The following LMNTD1 variants were observed in gnomAD, a reference collection of about 807,000 sequenced individuals.
LMNTD1 encodes lamin tail domain-containing protein 1.
LMNTD1 carries 35 observed loss-of-function variants against 50.9 expected under a neutral mutation model. The observed-to-expected ratio is 0.69, with a 90% CI of 0.53 to 0.91. LMNTD1 has a LOEUF of 0.91. LMNTD1 is among the 40% of genes least tolerant of loss of function. The pLI is 0.00. For missense variants in LMNTD1, 470 were observed against 475.5 expected, an observed-to-expected ratio of 0.99 and a Z score of 0.11; for synonymous variants, 153 against 161.9, an observed-to-expected ratio of 0.94 and a Z score of 0.42.
At chr12:25,528,126 T>A (rs189815454) in intron 4 of LMNTD1, among the ~76,000 whole-genome samples, 20 of 152,270 alleles carry the variant, frequency 1.3e-4, no homozygotes, top group Admixed American at 1.1e-3. Context: ...TAGTAACTCA[T>A]ATAATTCTCA....
At chr12:25,597,991 C>T (rs1171083848) in intron 1 of LMNTD1, among the ~76,000 whole-genome samples, 3 of 152,048 alleles carry the variant, frequency 2.0e-5, no homozygotes, top group Non-Finnish European at 2.9e-5. Context: ...CCATGCTGTT[C>T]TTGTCATAGT....
chr12:25,529,567 C>T (rs912595604), intron 4 of LMNTD1, among the ~76,000 whole-genome samples: 12 of 152,158 alleles, frequency 7.9e-5, no homozygotes, highest in African/African-American at 2.9e-4. Context: ...CCAGGTTCTG[C>T]TGATTCTTCC....
At chr12:25,522,294 T>G (rs938563166) in intron 6 of LMNTD1, among the ~76,000 whole-genome samples, 1 of 152,222 alleles carries the variant, frequency 6.6e-6, no homozygotes, top group Non-Finnish European at 1.5e-5. Flanking sequence ...CTTTTTAGTG[T>G]GATCTCCCTT....
At chr12:25,542,552 T>C (rs1458243719) in intron 4 of LMNTD1, among the ~76,000 whole-genome samples, 3 of 112,400 alleles carry the variant, frequency 2.7e-5, no homozygotes, top group African/African-American at 3.5e-5. Flanking sequence ...AGGGGAACAT[T>C]ACACTCTGGG....
chr12:25,489,794 T>C (rs1256271995), intron 9 of LMNTD1, among the ~76,000 whole-genome samples: 1 of 152,186 alleles, frequency 6.6e-6, no homozygotes, highest in Non-Finnish European at 1.5e-5. Flanking sequence ...GATATAAGGA[T>C]TGTATGTACT....
chr12:25,502,418 A>T (rs1217994393), intron 9 of LMNTD1, among the ~76,000 whole-genome samples: 1 of 152,182 alleles, frequency 6.6e-6, no homozygotes, highest in African/African-American at 2.4e-5. Flanking sequence ...ATGACAACTG[A>T]AGGAAATTGA....
intron 9 of LMNTD1, 143 bp downstream of exon 9, chr12:25,503,595 C>G (rs924618942): frequency 2.7e-5 from 15 of 553,366 alleles, no homozygotes; most frequent in Non-Finnish European, 4.2e-5. Flanking sequence ...CTAAAGGCAA[C>G]ATAAATATTT....
At chr12:25,499,451 A>C (rs1231505151) in intron 9 of LMNTD1, among the ~76,000 whole-genome samples, 2 of 152,006 alleles carry the variant, frequency 1.3e-5, no homozygotes, top group Non-Finnish European at 2.9e-5. Flanking sequence ...GCACTTGTTT[A>C]GTTTACAGTT....
chr12:25,565,140 A>G (rs115661018), intron 1 of LMNTD1, among the ~76,000 whole-genome samples: 1,880 of 152,022 alleles, frequency 0.012, 35 homozygotes, highest in African/African-American at 0.042. Context: ...AGTGTGTTTC[A>G]GCCACTCTAT....
At chr12:25,547,876 T>A (rs1591984550) in intron 3 of LMNTD1, among the ~76,000 whole-genome samples, 1 of 151,916 alleles carries the variant, frequency 6.6e-6, no homozygotes, top group East Asian at 1.9e-4. Context: ...CCTATACATC[T>A]ATCTAGAGAA....
intron 4 of LMNTD1, among the ~76,000 whole-genome samples, chr12:25,537,569 C>T (rs1225526674): frequency 1.3e-5 from 2 of 152,032 alleles, no homozygotes; most frequent in African/African-American, 4.8e-5. Flanking sequence ...AAAAACCCAT[C>T]TGTACATCAC....
intron 1 of LMNTD1, among the ~76,000 whole-genome samples, chr12:25,621,195 C>T (rs1261683361): frequency 6.6e-6 from 1 of 152,158 alleles, no homozygotes; most frequent in Non-Finnish European, 1.5e-5. Flanking sequence ...CATCTATTAA[C>T]ATGTTAATAC....
intron 8 of LMNTD1, among the ~76,000 whole-genome samples, chr12:25,504,455 AATG>A (rs1178405360): frequency 2.6e-5 from 4 of 152,242 alleles, no homozygotes; most frequent in Non-Finnish European, 5.9e-5. Context: ...TGTTGAATTG[AATG>A]ATACCAAGTA....
intron 9 of LMNTD1, among the ~76,000 whole-genome samples, chr12:25,493,721 TG>T (rs1938966875): frequency 6.6e-6 from 1 of 152,176 alleles, no homozygotes; most frequent in South Asian, 2.1e-4. Flanking sequence ...CAAATAATAA[TG>T]GGTTTAAAAT....
At chr12:25,512,977 T>G (rs1940423044) in intron 8 of LMNTD1, among the ~76,000 whole-genome samples, 1 of 152,168 alleles carries the variant, frequency 6.6e-6, no homozygotes, top group Admixed American at 6.5e-5. Flanking sequence ...AGGGGCAGGA[T>G]GAGTGTCACA....
chr12:25,576,974 C>T (rs1001736139), intron 1 of LMNTD1, among the ~76,000 whole-genome samples: 1 of 152,026 alleles, frequency 6.6e-6, no homozygotes. Flanking sequence ...CTTGTTTTTC[C>T]CAGGTTTGTC....
intron 4 of LMNTD1, among the ~76,000 whole-genome samples, chr12:25,532,202 G>GA (rs1195033901): frequency 1.3e-5 from 2 of 151,984 alleles, no homozygotes; most frequent in East Asian, 1.9e-4. Context: ...GTATTACAGA[G>GA]AAAAAACTGC....
At chr12:25,528,430 T>TA (rs1399295557) in intron 4 of LMNTD1, among the ~76,000 whole-genome samples, 3 of 152,176 alleles carry the variant, frequency 2.0e-5, no homozygotes, top group Non-Finnish European at 4.4e-5. Flanking sequence ...CACACCATGG[T>TA]GGTTGAACTC....
intron 1 of LMNTD1, among the ~76,000 whole-genome samples, chr12:25,579,865 C>A (rs183338240): frequency 6.6e-6 from 1 of 152,102 alleles, no homozygotes. Flanking sequence ...AACTACCCAG[C>A]GAGCCTCTGA....
Sources: gnomAD v4.1 joint callset for allele counts (sites outside exome capture counted in the v4.1 genomes callset) on GRCh38, gnomAD v4.1.1 for gene constraint, MANE v1.5 for transcripts, NCBI Gene and HGNC (gene_info 2026-07-23, HGNC 2026-07-21) for gene names.